Variants in MSN observed in about 807,000 individuals in gnomAD.
MSN encodes the protein epididymis luminal protein 70.
A neutral mutation model predicts 48.0 loss-of-function variants in MSN; 2 were observed. The ratio of observed to expected loss-of-function variants is 0.04; its 90% CI spans 0.02 to 0.13. The LOEUF is 0.13. Among genes scored for constraint, MSN ranks in the 10% least tolerant of loss-of-function variants. The pLI is 1.00. For missense variants in MSN, 267 were observed against 470.1 expected, an observed-to-expected ratio of 0.57 and a Z score of 3.99; for synonymous variants, 146 against 166.9, an observed-to-expected ratio of 0.87 and a Z score of 0.97.
At chrX:65,679,068 T>G (rs971297362) in intron 1 of MSN, among the ~76,000 whole-genome samples, 1 of 111,724 alleles carries the variant, frequency 9.0e-6, no homozygotes, top group Non-Finnish European at 1.9e-5. Context: ...TGGGATATAC[T>G]GAATCTACCT....
At chrX:65,734,313 C>T (rs1252903088) in intron 7 of MSN, among the ~76,000 whole-genome samples, 2 of 111,581 alleles carry the variant, frequency 1.8e-5, no homozygotes. Flanking sequence ...CCATGAGGTG[C>T]CTGAACTTCC....
At position 65,613,108 on chromosome X, in the gene MSN, G is replaced by A. The variant is rs745687609; in HGVS notation, c.-22+24496G>A. On this transcript the variant is annotated intron_variant, in intron 1 of 3. Coordinates refer to the MSN transcript ENST00000609672. ...TTCTCATTGTTCAATTCCCACTTAT[G>A]AGTGAGAACATGCTGTGTTTGATTT... Among the ~76,000 whole-genome samples the A allele has an allele frequency of 5.9e-4, 65 of 110,895 alleles. 1 individual carries two copies. The South Asian group carries it at 9.6e-3, about 16-fold the overall frequency.
intron 1 of MSN, among the ~76,000 whole-genome samples, chrX:65,685,886 C>T (rs1031151517): frequency 1.1e-4 from 12 of 112,721 alleles, no homozygotes; most frequent in African/African-American, 3.9e-4. Context: ...ACGCCTCAGC[C>T]ACTGAAGTGG....
chrX:65,665,070 G>C (rs1602765970), upstream of MSN, among the ~76,000 whole-genome samples: 1 of 110,816 alleles, frequency 9.0e-6, no homozygotes, highest in Non-Finnish European at 1.9e-5. Flanking sequence ...TTTTAGTAGT[G>C]TCTTCAGCTA....
At chrX:65,603,448 C>A (rs1036516491) in intron 1 of MSN, among the ~76,000 whole-genome samples, 1 of 111,611 alleles carries the variant, frequency 9.0e-6, no homozygotes, top group Non-Finnish European at 1.9e-5. Flanking sequence ...AAAGGACAGG[C>A]TCAGATAGGT....
At chrX:65,702,359 C>T (rs1241655382) in intron 1 of MSN, among the ~76,000 whole-genome samples, 4 of 107,830 alleles carry the variant, frequency 3.7e-5, no homozygotes, top group African/African-American at 1.3e-4. Flanking sequence ...TCAGACATCC[C>T]TCTAGTCATA....
chrX:65,690,258 G>A (rs1249500624), intron 1 of MSN, among the ~76,000 whole-genome samples: 1 of 112,069 alleles, frequency 8.9e-6, no homozygotes, highest in African/African-American at 3.2e-5. Flanking sequence ...AGAAAGGGGA[G>A]GGAGGCCTGT....
At chrX:65,622,359 C>A (rs994965373) in intron 1 of MSN, among the ~76,000 whole-genome samples, 6 of 109,832 alleles carry the variant, frequency 5.5e-5, no homozygotes, top group Admixed American at 3.0e-4. Context: ...CTCAGCCTCC[C>A]AAACTGCTGG....
At chrX:65,588,670 C>G (rs1051617160) in intron 1 of MSN, 18 of 776,318 alleles carry the variant, frequency 2.3e-5, no homozygotes, top group Non-Finnish European at 2.6e-5. Context: ...GAAGTGCCAG[C>G]CTGTGCCCTC....
intron 1 of MSN, among the ~76,000 whole-genome samples, chrX:65,634,287 C>T (rs1406785076): frequency 4.5e-5 from 5 of 112,140 alleles, no homozygotes; most frequent in Admixed American, 3.8e-4. Flanking sequence ...GTGATGCTCC[C>T]GTCTGTATGT....
chrX:65,690,185 A>G (rs1428236758), intron 1 of MSN, among the ~76,000 whole-genome samples: 1 of 112,046 alleles, frequency 8.9e-6, no homozygotes, highest in Non-Finnish European at 1.9e-5. Flanking sequence ...ACATTGGGCA[A>G]AGGTTGATTA....
intron 1 of MSN, among the ~76,000 whole-genome samples, chrX:65,599,745 C>A (rs1218615625): frequency 2.7e-5 from 3 of 111,580 alleles, no homozygotes; most frequent in Non-Finnish European, 5.7e-5. Flanking sequence ...GAATAGGCAG[C>A]TAAGCAAGGT....
At chrX:65,675,288 T>C (rs931914820) in intron 1 of MSN, among the ~76,000 whole-genome samples, 1 of 111,758 alleles carries the variant, frequency 8.9e-6, no homozygotes, top group African/African-American at 3.3e-5. Context: ...GAAAAATATA[T>C]ACTTTGCATT....
At chrX:65,703,378 G>T (rs2071328587) in intron 1 of MSN, among the ~76,000 whole-genome samples, 1 of 110,829 alleles carries the variant, frequency 9.0e-6, no homozygotes, top group South Asian at 3.8e-4. Context: ...TTAGGAAACT[G>T]AATTTTAGAA....
chrX:65,662,718 T>C (rs982440445), upstream of MSN, among the ~76,000 whole-genome samples: 5 of 112,440 alleles, frequency 4.4e-5, no homozygotes, highest in Non-Finnish European at 3.7e-5. Flanking sequence ...CTTCTTGACA[T>C]AGGCCTTGGT....
chrX:65,693,061 A>G (rs2071192425), intron 1 of MSN, among the ~76,000 whole-genome samples: 2 of 111,963 alleles, frequency 1.8e-5, no homozygotes, highest in Non-Finnish European at 1.9e-5. Flanking sequence ...CCTATTTCTT[A>G]TATACTCATG....
intron 1 of MSN, among the ~76,000 whole-genome samples, chrX:65,715,944 A>G (rs1383173760): frequency 1.8e-5 from 2 of 112,026 alleles, no homozygotes; most frequent in Non-Finnish European, 3.8e-5. Context: ...CGCATTCAGT[A>G]TGATGTTGGT....
intron 1 of MSN, among the ~76,000 whole-genome samples, chrX:65,620,036 G>A (rs748311752): frequency 5.8e-4 from 65 of 111,943 alleles, no homozygotes; most frequent in African/African-American, 2.1e-3. Flanking sequence ...CAGGGGTCAG[G>A]GACCCACGTG....
intron 1 of MSN, among the ~76,000 whole-genome samples, chrX:65,674,952 T>G (rs2070982787): frequency 8.9e-6 from 1 of 112,175 alleles, no homozygotes; most frequent in Admixed American, 9.5e-5. Flanking sequence ...TAACCATAAA[T>G]AATAATAGTA....
Sources: allele counts gnomAD v4.1 joint callset (sites outside exome capture counted in the v4.1 genomes callset), GRCh38; gene constraint gnomAD v4.1.1; transcripts MANE v1.5; gene names NCBI Gene and HGNC (gene_info 2026-07-23, HGNC 2026-07-21).